Variants in NUP210L observed in about 807,000 individuals in gnomAD.
NUP210L encodes nuclear pore membrane glycoprotein 210-like.
In NUP210L, 74 loss-of-function variants were observed where a neutral mutation model predicts 208.5. That is an observed-to-expected ratio of 0.35 (90% confidence interval 0.29 to 0.43). The LOEUF (loss-of-function observed/expected upper bound fraction) is 0.43, where lower values mean the gene tolerates loss of function less well. Ranked by LOEUF, NUP210L falls within the 20% of genes least tolerant of loss-of-function variation. The pLI is 1.00. For missense variants in NUP210L, 1,843 were observed against 2,289.4 expected, an observed-to-expected ratio of 0.81 and a Z score of 3.98; for synonymous variants, 780 against 816.9, an observed-to-expected ratio of 0.95 and a Z score of 0.77.
At chr1:154,114,086 T>A (rs957571648) in intron 12 of NUP210L, among the ~76,000 whole-genome samples, 1 of 148,914 alleles carries the variant, frequency 6.7e-6, no homozygotes, top group East Asian at 2.0e-4. Flanking sequence ...GAGGTTGCAA[T>A]GAGCCAAGAT....
At chr1:154,032,071 A>G (rs1275822691) in intron 27 of NUP210L, among the ~76,000 whole-genome samples, 1 of 152,080 alleles carries the variant, frequency 6.6e-6, no homozygotes, top group South Asian at 2.1e-4. Flanking sequence ...TCCATTGTGT[A>G]TATACACCTC....
intron 2 of NUP210L, among the ~76,000 whole-genome samples, chr1:154,143,808 T>C (rs1304157529): frequency 6.6e-6 from 1 of 152,160 alleles, no homozygotes; most frequent in Non-Finnish European, 1.5e-5. Context: ...TACTCATCCA[T>C]GGAAAAATAA....
intron 15 of NUP210L, among the ~76,000 whole-genome samples, chr1:154,093,716 G>A (rs745650126): frequency 1.3e-5 from 2 of 152,224 alleles, no homozygotes; most frequent in Non-Finnish European, 2.9e-5. Flanking sequence ...ATTCCCTTAT[G>A]TGCTGGTTAG....
intron 2 of NUP210L, among the ~76,000 whole-genome samples, chr1:154,146,611 AT>A (rs1659123868): frequency 3.2e-4 from 26 of 82,182 alleles, no homozygotes; most frequent in Middle Eastern, 5.7e-3. Context: ...GCAAGATCCC[AT>A]CCCCCCTCCC....
chr1:154,146,893 A>G (rs1659146957), intron 2 of NUP210L, among the ~76,000 whole-genome samples: 2 of 152,094 alleles, frequency 1.3e-5, no homozygotes, highest in African/African-American at 4.8e-5. Context: ...GCACAATCAT[A>G]GCTCACTGCA....
In NUP210L at chr1:153,992,927, TAAAA is replaced by T. The variant is rs755442033; in HGVS notation, c.5571_5574del (p.Phe1857LeufsTer11). The stretch of plus-strand genomic sequence containing the variant: ...AAGTGAGGGGGAGAACTTGTGGAGT[TAAAA>T]AAACCTAGAAGAAGAGGGAAAAGTT... On this transcript the variant is annotated frameshift_variant, in exon 40 of 40. Coordinates refer to ENST00000368559, the Ensembl canonical transcript of NUP210L. LOFTEE classifies it low-confidence loss of function (END_TRUNC). The T allele has an allele frequency of 1.9e-6, 3 of 1,610,674 alleles. No homozygotes were observed. The East Asian group carries it at 6.7e-5, about 36-fold the overall frequency.
exon 33 of NUP210L, chr1:154,018,994 C>G: frequency 6.2e-7 from 1 of 1,614,088 alleles, no homozygotes; most frequent in Admixed American, 1.7e-5. Flanking sequence ...CCCCGGACTC[C>G]TGGCCACTCC....
At chr1:154,129,003 T>C (rs1218460378) in intron 8 of NUP210L, among the ~76,000 whole-genome samples, 1 of 152,248 alleles carries the variant, frequency 6.6e-6, no homozygotes, top group East Asian at 1.9e-4. Flanking sequence ...CCTATGAGCG[T>C]TAAGATTCTT....
At chr1:154,025,782 A>C (rs567455253) in intron 29 of NUP210L, 66 bp from the exon 30 acceptor site, 1 of 1,437,264 alleles carries the variant, frequency 7.0e-7, no homozygotes, top group Admixed American at 2.0e-5. Context: ...AAAAGAGTAA[A>C]AATTTCCAGG....
chr1:154,082,572 T>C (rs1341709393), intron 16 of NUP210L, among the ~76,000 whole-genome samples: 1 of 152,166 alleles, frequency 6.6e-6, no homozygotes, highest in Non-Finnish European at 1.5e-5. Context: ...ACCCTATGTA[T>C]CTCTTCATCT....
At position 154,004,850 on chromosome 1, in the gene NUP210L, CTTTCT is replaced by C. The variant is rs1245695136; in HGVS notation, c.4931-2870_4931-2866del. Reference sequence around the variant, plus strand: ...TTTTTTTCTTTTCTTTTCTTTCTTTCTTTCTTTTTTTTTTTTTTTTTGAGATGGAA... The same window carrying C: ...TTTTTTTCTTTTCTTTTCTTTCTTTCTTTTTTTTTTTTTTTTGAGATGGAA... On this transcript the variant is annotated intron_variant, in intron 35 of 39. Coordinates refer to ENST00000368559, the Ensembl canonical transcript of NUP210L. Among the ~76,000 whole-genome samples, 12 of 122,500 alleles carry C rather than the reference CTTTCT, an allele frequency of 9.8e-5. No homozygotes were observed. The East Asian group carries it at 2.3e-3, about 23-fold the overall frequency. The allele number at this position is 122,500 out of a possible 152,430, so 80.4% of individuals were successfully genotyped here. A position where few individuals can be genotyped will look rare whatever the true frequency, so the allele number is the denominator to read the frequency against.
intron 10 of NUP210L, among the ~76,000 whole-genome samples, chr1:154,121,581 T>TA (rs1219870483): frequency 1.7e-4 from 26 of 152,142 alleles, no homozygotes; most frequent in Non-Finnish European, 4.4e-5. Context: ...TAAGAAACTT[T>TA]AAAGGCTGAA....
At chr1:154,077,484 AC>A (rs1229191031) in intron 16 of NUP210L, among the ~76,000 whole-genome samples, 1 of 152,186 alleles carries the variant, frequency 6.6e-6, no homozygotes, top group Non-Finnish European at 1.5e-5. Context: ...CTAAGATCCA[AC>A]AAAAATGGAG....
intron 10 of NUP210L, among the ~76,000 whole-genome samples, chr1:154,120,080 G>A (rs2148102845): frequency 6.6e-6 from 1 of 152,252 alleles, no homozygotes; most frequent in Admixed American, 6.5e-5. Flanking sequence ...TTTAATGATT[G>A]CCATTCTAAC....
rs1650727211 is a variant in NUP210L, at chr1:154,008,806, C to G, written c.4930+1166G>C. ...GCTGTCAGGTATTATAAACAGTTTG[C>G]TGAATGAACCTTCCTTCAGTGGTTG... On this transcript the variant is annotated intron_variant, in intron 35 of 39. Coordinates refer to ENST00000368559, the Ensembl canonical transcript of NUP210L. Among the ~76,000 whole-genome samples the G allele has an allele frequency of 2.0e-5, 3 of 152,192 alleles. No homozygotes were observed. The South Asian group carries it at 6.2e-4, about 31-fold the overall frequency.
intron 2 of NUP210L, among the ~76,000 whole-genome samples, chr1:154,151,606 T>C (rs1472137616): frequency 1.3e-5 from 2 of 152,300 alleles, no homozygotes; most frequent in East Asian, 3.9e-4. Flanking sequence ...ATTAGTTCTA[T>C]CTAATTGCAA....
chr1:154,026,082 A>T (rs2790687), intron 29 of NUP210L, among the ~76,000 whole-genome samples: 2,930 of 150,580 alleles, frequency 0.019, 91 homozygotes, highest in African/African-American at 0.069. Context: ...AAAAAAAAAA[A>T]TTTTTAGCTG....
intron 22 of NUP210L, among the ~76,000 whole-genome samples, chr1:154,057,580 C>T (rs1425530684): frequency 6.6e-6 from 1 of 151,918 alleles, no homozygotes; most frequent in Non-Finnish European, 1.5e-5. Context: ...TTAAAGGGTC[C>T]TCTATCCTGA....
chr1:154,052,260 CA>C (rs1206555424), intron 25 of NUP210L, among the ~76,000 whole-genome samples: 1 of 152,140 alleles, frequency 6.6e-6, no homozygotes, highest in Non-Finnish European at 1.5e-5. Flanking sequence ...TGGACCAAAT[CA>C]ACAGCCGATT....
Sources: allele counts gnomAD v4.1 joint callset (sites outside exome capture counted in the v4.1 genomes callset), GRCh38; gene constraint gnomAD v4.1.1; transcripts MANE v1.5; gene names NCBI Gene and HGNC (gene_info 2026-07-23, HGNC 2026-07-21).